Variants in SPOCK1 observed in about 807,000 individuals in gnomAD.
SPOCK1 encodes the protein testican-1.
Under a neutral mutation model 55.3 loss-of-function variants are expected in SPOCK1, and 23 were observed. That is an observed-to-expected ratio of 0.42 (90% CI 0.30 to 0.59). SPOCK1 has a LOEUF of 0.59. Among genes scored for constraint, SPOCK1 ranks in the 20% least tolerant of loss-of-function variants. The pLI is 0.22. For synonymous variants in SPOCK1, 226 were observed against 221.0 expected (o/e 1.02, Z -0.20); for missense variants, 499 against 552.5 (o/e 0.90, Z 0.97).
intron 2 of SPOCK1, among the ~76,000 whole-genome samples, chr5:137,445,902 T>C (rs939680291): frequency 3.9e-5 from 6 of 152,198 alleles, no homozygotes; most frequent in Non-Finnish European, 2.9e-5. Flanking sequence ...GAACTAGATA[T>C]AGTTTTCTAA....
rs1187184763 is a variant in SPOCK1, at chr5:137,133,101, G to A, written c.347+7479C>T. Among the ~76,000 whole-genome samples, 3 of 152,284 alleles carry A rather than the reference G, an allele frequency of 2.0e-5. No homozygotes were observed. In the East Asian group the frequency reaches 5.8e-4, roughly 29 times the overall value. ...AATGTATTCGTAGGCCAGGTGTGGT[G>A]GCTCACACTTGTAATCCCAGCACTT... On this transcript the variant is annotated intron_variant, in intron 4 of 10. Coordinates refer to ENST00000394945, the MANE Select transcript of SPOCK1 (RefSeq NM_004598.4).
intron 2 of SPOCK1, among the ~76,000 whole-genome samples, chr5:137,274,840 A>C (rs1309786860): frequency 2.0e-5 from 3 of 152,232 alleles, no homozygotes; most frequent in African/African-American, 7.2e-5. Flanking sequence ...TAAAGGGCAG[A>C]CACGTACTAT....
intron 3 of SPOCK1, among the ~76,000 whole-genome samples, chr5:137,244,974 C>T (rs1245834773): frequency 6.6e-6 from 1 of 152,124 alleles, no homozygotes; most frequent in East Asian, 1.9e-4. Flanking sequence ...TTACCTCTAC[C>T]TAATAAGAGA....
intron 1 of SPOCK1, 77 bp from the exon 2 acceptor site, chr5:137,498,635 G>A: frequency 8.6e-7 from 1 of 1,169,292 alleles, no homozygotes; most frequent in Non-Finnish European, 1.1e-6. Context: ...GCGTCCCAGC[G>A]CCCCAGCCCG....
chr5:137,460,041 G>A (rs1305846628), intron 2 of SPOCK1, among the ~76,000 whole-genome samples: 2 of 152,222 alleles, frequency 1.3e-5, no homozygotes, highest in African/African-American at 4.8e-5. Flanking sequence ...TGAGCGAGAA[G>A]GATGGGGCAG....
chr5:137,335,537 A>G (rs1411422863), intron 2 of SPOCK1, among the ~76,000 whole-genome samples: 1 of 152,218 alleles, frequency 6.6e-6, no homozygotes, highest in Non-Finnish European at 1.5e-5. Flanking sequence ...ATTGGCCAAG[A>G]GTACATAACT....
At chr5:137,293,766 C>T (rs1014997092) in intron 2 of SPOCK1, among the ~76,000 whole-genome samples, 1 of 152,234 alleles carries the variant, frequency 6.6e-6, no homozygotes, top group African/African-American at 2.4e-5. Flanking sequence ...CCTGTAATCC[C>T]AGCACTTTGG....
chr5:137,124,960 C>T (rs1021430645), intron 4 of SPOCK1, among the ~76,000 whole-genome samples: 2 of 152,202 alleles, frequency 1.3e-5, no homozygotes, highest in Non-Finnish European at 2.9e-5. Flanking sequence ...ACATTACCTC[C>T]AGTTTCCCTG....
intron 2 of SPOCK1, among the ~76,000 whole-genome samples, chr5:137,361,258 G>A (rs2127166164): frequency 6.6e-6 from 1 of 152,284 alleles, no homozygotes; most frequent in Non-Finnish European, 1.5e-5. Context: ...AAGCCACCCA[G>A]TCTATGGTAT....
intron 5 of SPOCK1, among the ~76,000 whole-genome samples, chr5:137,080,671 T>G (rs1338179087): frequency 6.6e-6 from 1 of 152,086 alleles, no homozygotes; most frequent in Admixed American, 6.6e-5. Flanking sequence ...GTCCTTTAAT[T>G]ATTCCTTGAG....
intron 2 of SPOCK1, among the ~76,000 whole-genome samples, chr5:137,477,208 G>A (rs1016524258): frequency 2.0e-5 from 3 of 152,152 alleles, no homozygotes; most frequent in Non-Finnish European, 4.4e-5. Context: ...AACGAAGGGG[G>A]CATATACAGC....
chr5:137,189,445 G>A (rs1005807072), intron 3 of SPOCK1, among the ~76,000 whole-genome samples: 4 of 152,144 alleles, frequency 2.6e-5, no homozygotes, highest in African/African-American at 9.7e-5. Flanking sequence ...TACTCTGCCT[G>A]TACTCTAAAA....
At chr5:137,401,632 C>T (rs535092717) in intron 2 of SPOCK1, among the ~76,000 whole-genome samples, 1 of 150,648 alleles carries the variant, frequency 6.6e-6, no homozygotes, top group East Asian at 2.0e-4. Context: ...CTAGTCTCAA[C>T]TACTTGGAAG....
chr5:136,997,623 C>G (rs1751070009), intron 6 of SPOCK1, among the ~76,000 whole-genome samples: 1 of 152,234 alleles, frequency 6.6e-6, no homozygotes, highest in African/African-American at 2.4e-5. Flanking sequence ...CACGCTCTGG[C>G]CTTACTGCCC....
intron 2 of SPOCK1, among the ~76,000 whole-genome samples, chr5:137,485,327 G>GT (rs1410847646): frequency 6.6e-6 from 1 of 152,130 alleles, no homozygotes; most frequent in Non-Finnish European, 1.5e-5. Flanking sequence ...TTTCATAAGG[G>GT]TAGGCAAATG....
chr5:137,235,772 G>A (rs1397147974), intron 3 of SPOCK1, among the ~76,000 whole-genome samples: 1 of 152,214 alleles, frequency 6.6e-6, no homozygotes, highest in African/African-American at 2.4e-5. Context: ...AGGAGTATAG[G>A]AGTCTGTTAG....
chr5:137,358,618 C>G (rs1750874751), intron 2 of SPOCK1, among the ~76,000 whole-genome samples: 1 of 152,106 alleles, frequency 6.6e-6, no homozygotes. Context: ...TCTCCCCAGA[C>G]AGCCGTATCT....
In SPOCK1 at chr5:137,149,993, C is replaced by T. The variant is rs114195444; in HGVS notation, c.233-9299G>A. Among the ~76,000 whole-genome samples, 1,020 of 152,190 alleles carry T rather than the reference C, an allele frequency of 6.7e-3. 15 individuals are homozygous for T. Among genetic ancestry groups the T allele is most frequent in the African/African-American group, 0.023 (956 of 41,532 alleles). On this transcript the variant is annotated intron_variant, in intron 3 of 10. Coordinates refer to ENST00000394945, the MANE Select transcript of SPOCK1 (RefSeq NM_004598.4). ...GAAGGTTTTCTAGCACAGGGCCTGGCGCACAGTTCATGCTCATTTATTATC... is the reference window on the plus strand; with the variant it reads ...GAAGGTTTTCTAGCACAGGGCCTGGTGCACAGTTCATGCTCATTTATTATC...
chr5:137,417,124 G>A (rs1752351352), intron 2 of SPOCK1, among the ~76,000 whole-genome samples: 1 of 151,874 alleles, frequency 6.6e-6, no homozygotes, highest in Non-Finnish European at 1.5e-5. Flanking sequence ...TCTCCCAGCA[G>A]GTGTCTCATC....
Sources: allele counts gnomAD v4.1 joint callset (sites outside exome capture counted in the v4.1 genomes callset), GRCh38; gene constraint gnomAD v4.1.1; transcripts MANE v1.5; gene names NCBI Gene and HGNC (gene_info 2026-07-23, HGNC 2026-07-21).